FSTL5: variants seen among roughly 807,000 people sequenced by gnomAD.
FSTL5 encodes follistatin-related protein 5.
Under a neutral mutation model 89.1 loss-of-function variants are expected in FSTL5, and 62 were observed. The ratio of observed to expected loss-of-function variants is 0.70; its 90% CI spans 0.57 to 0.86. FSTL5 has a LOEUF of 0.86. Ranked by LOEUF, FSTL5 falls within the 40% of genes least tolerant of loss-of-function variation. The pLI, the probability that FSTL5 is intolerant of heterozygous loss-of-function variation, is 0.00. For missense variants in FSTL5, 1,057 were observed against 1,001.6 expected, an observed-to-expected ratio of 1.06 and a Z score of -0.75; for synonymous variants, 383 against 346.2, an observed-to-expected ratio of 1.11 and a Z score of -1.18.
chr4:161,741,134 C>G (rs896401696), intron 6 of FSTL5, among the ~76,000 whole-genome samples: 1 of 152,118 alleles, frequency 6.6e-6, no homozygotes, highest in Admixed American at 6.5e-5. Context: ...CAGACCATAG[C>G]AGTGTGGTAG....
At chr4:161,614,776 C>G (rs982394044) in intron 7 of FSTL5, among the ~76,000 whole-genome samples, 1 of 152,118 alleles carries the variant, frequency 6.6e-6, no homozygotes, top group Non-Finnish European at 1.5e-5. Context: ...ATTCTAAACA[C>G]TATACAAAGC....
chr4:161,849,409 G>GA (rs979049824), intron 4 of FSTL5, among the ~76,000 whole-genome samples: 17 of 148,942 alleles, frequency 1.1e-4, no homozygotes, highest in Admixed American at 4.0e-4. Context: ...AAAACTGCCG[G>GA]AAAAAAAAAG....
intron 6 of FSTL5, among the ~76,000 whole-genome samples, chr4:161,685,852 T>G (rs1463433292): frequency 6.6e-6 from 1 of 152,178 alleles, no homozygotes; most frequent in African/African-American, 2.4e-5. Context: ...TTTGGAATGC[T>G]TTCAACTTTT....
At chr4:161,817,664 A>G (rs1730368769) in intron 4 of FSTL5, among the ~76,000 whole-genome samples, 2 of 152,318 alleles carry the variant, frequency 1.3e-5, no homozygotes, top group East Asian at 1.9e-4. Flanking sequence ...AGAGATTTCA[A>G]TTTTGATAGT....
At chr4:161,459,378 G>C in intron 13 of FSTL5, 59 bp from the exon 14 acceptor site, 1 of 1,029,772 alleles carries the variant, frequency 9.7e-7, no homozygotes, top group East Asian at 2.4e-5. Flanking sequence ...TTAAAGCTAG[G>C]CCAGAAATTA....
intron 3 of FSTL5, among the ~76,000 whole-genome samples, chr4:162,013,188 A>C (rs1198512401): frequency 6.7e-6 from 1 of 149,886 alleles, no homozygotes; most frequent in Non-Finnish European, 1.5e-5. Flanking sequence ...CTGTCTTAAA[A>C]AAAAAAAAAA....
At chr4:161,509,114 C>T (rs1730571735) in intron 11 of FSTL5, among the ~76,000 whole-genome samples, 1 of 152,052 alleles carries the variant, frequency 6.6e-6, no homozygotes, top group Non-Finnish European at 1.5e-5. Flanking sequence ...ACCAGCCTGG[C>T]CAACATGGCA....
chr4:161,920,768 C>T (rs994553641), intron 3 of FSTL5, 116 bp from the exon 4 acceptor site: 3 of 980,626 alleles, frequency 3.1e-6, no homozygotes, highest in Non-Finnish European at 2.9e-6. Context: ...ATAGTGTATT[C>T]AGGGCTCAAT....
intron 4 of FSTL5, among the ~76,000 whole-genome samples, chr4:161,831,171 T>C (rs1369092356): frequency 6.6e-6 from 1 of 152,000 alleles, no homozygotes; most frequent in East Asian, 1.9e-4. Context: ...TCCACTATAG[T>C]AACCATTTTA....
At chr4:161,673,148 C>T (rs1264200695) in intron 6 of FSTL5, among the ~76,000 whole-genome samples, 6 of 151,956 alleles carry the variant, frequency 3.9e-5, no homozygotes, top group Middle Eastern at 3.2e-3. Flanking sequence ...AAATAATGTA[C>T]TGGATTTAAA....
chr4:161,609,425 G>A (rs1477771273), intron 7 of FSTL5, among the ~76,000 whole-genome samples: 7 of 152,010 alleles, frequency 4.6e-5, no homozygotes, highest in Non-Finnish European at 1.0e-4. Context: ...GTGTTATTAT[G>A]TAATATCATG....
chr4:161,728,550 G>A (rs1385807373), intron 6 of FSTL5, among the ~76,000 whole-genome samples: 1 of 151,934 alleles, frequency 6.6e-6, no homozygotes, highest in African/African-American at 2.4e-5. Context: ...GACCATTCGA[G>A]GGAACATACA....
intron 1 of FSTL5, among the ~76,000 whole-genome samples, chr4:162,138,126 A>AAT (rs144104937): frequency 6.6e-6 from 1 of 152,050 alleles, no homozygotes. Flanking sequence ...AAGAAAGTAA[A>AAT]ATATATATAC....
rs114116302 is a variant in FSTL5, at chr4:162,029,872, G to A, written c.160+3753C>T. Among the ~76,000 whole-genome samples the A allele has an allele frequency of 6.1e-3, 913 of 149,354 alleles. 5 individuals carry two copies. The highest frequency in any genetic ancestry group is 0.01 in the Non-Finnish European group (678 of 67,218). ...ATAAAACATGATCTATTTTAGGAAA[G>A]AACAAAAATGGCAATATTGATCTAA... On this transcript the variant is annotated intron_variant, in intron 3 of 15. Transcript: ENST00000306100.
Position 161,385,748 on chromosome 4 carries a change from T to A in FSTL5, c.2543A>T (p.Ter848LeuextTer9), listed in dbSNP as rs372559754. ...GNTVIWVGDA[*>L] is the part of the protein sequence containing the mutation. ...TTCAATAATTGTATCGTAGGGTTTTTAGGCATCTCCAACCCAAATGACTGT... is the reference window on the plus strand; with the variant it reads ...TTCAATAATTGTATCGTAGGGTTTTAAGGCATCTCCAACCCAAATGACTGT... The change falls in exon 16 of 16, where the codon TAA becomes TTA. Residue 848 changes from the stop codon to leucine (L), a stop_lost. Coordinates refer to ENST00000306100, the MANE Select transcript of FSTL5 (RefSeq NM_020116.5). 44 of 1,571,178 alleles carry A rather than the reference T, an allele frequency of 2.8e-5. No individual in the cohort carries two copies. The highest frequency in any genetic ancestry group is 3.7e-5 in the Non-Finnish European group (43 of 1,157,034).
At chr4:161,614,610 C>T (rs1052643821) in intron 7 of FSTL5, among the ~76,000 whole-genome samples, 5 of 152,086 alleles carry the variant, frequency 3.3e-5, no homozygotes, top group African/African-American at 1.2e-4. Context: ...AGGAAAAATG[C>T]TTATGTTGCA....
At chr4:162,006,941 T>C (rs1017073331) in intron 3 of FSTL5, among the ~76,000 whole-genome samples, 1 of 151,882 alleles carries the variant, frequency 6.6e-6, no homozygotes, top group Non-Finnish European at 1.5e-5. Flanking sequence ...AGTTAAAAAA[T>C]AGATGCACAA....
chr4:161,902,352 T>C (rs958412401), intron 4 of FSTL5, among the ~76,000 whole-genome samples: 1 of 152,136 alleles, frequency 6.6e-6, no homozygotes, highest in Non-Finnish European at 1.5e-5. Context: ...TTTTCTGCTA[T>C]AGTAGTAAGG....
intron 4 of FSTL5, among the ~76,000 whole-genome samples, chr4:161,860,400 A>G (rs984848377): frequency 5.9e-5 from 9 of 152,332 alleles, no homozygotes; most frequent in Admixed American, 3.3e-4. Context: ...ATCATATGCC[A>G]TATTAAGGAG....
Sources: gnomAD v4.1 joint callset for allele counts (sites outside exome capture counted in the v4.1 genomes callset) on GRCh38, gnomAD v4.1.1 for gene constraint, MANE v1.5 for transcripts, NCBI Gene and HGNC (gene_info 2026-07-23, HGNC 2026-07-21) for gene names.